The following TMEM67 variants were observed in gnomAD, a reference collection of about 807,000 sequenced individuals.
The protein encoded by TMEM67 is transmembrane protein 67, also known as meckelin.
In TMEM67, 124 loss-of-function variants were observed where a neutral mutation model predicts 136.6. That is an observed-to-expected ratio of 0.91 (90% CI 0.78 to 1.05). The LOEUF (loss-of-function observed/expected upper bound fraction) is 1.05. TMEM67 is among the 50% of genes least tolerant of loss of function. The pLI, the probability that TMEM67 is intolerant of heterozygous loss-of-function variation, is 0.00. For missense variants in TMEM67, 1,107 were observed against 1,178.4 expected (o/e 0.94, Z 0.89); for synonymous variants, 364 against 390.5 (o/e 0.93, Z 0.80).
At chr8:93,789,605 A>T (rs1486132691) in intron 14 of TMEM67, among the ~76,000 whole-genome samples, 2 of 150,894 alleles carry the variant, frequency 1.3e-5, no homozygotes, top group Non-Finnish European at 2.9e-5. Context: ...AGAGCACGCC[A>T]TTGCACTCCA....
intron 7 of TMEM67, among the ~76,000 whole-genome samples, chr8:93,780,152 C>T (rs1813747121): frequency 1.3e-5 from 2 of 151,736 alleles, no homozygotes; most frequent in African/African-American, 4.8e-5. Context: ...GTGAGCAAGG[C>T]TCTGTAGGCG....
At chr8:93,771,958 G>T (rs1221575813) in intron 6 of TMEM67, among the ~76,000 whole-genome samples, 1 of 152,128 alleles carries the variant, frequency 6.6e-6, no homozygotes, top group African/African-American at 2.4e-5. Context: ...TTCTCTGAAT[G>T]GTGCTTCTTA....
intron 7 of TMEM67, among the ~76,000 whole-genome samples, chr8:93,776,566 T>G (rs1813550634): frequency 6.6e-6 from 1 of 152,238 alleles, no homozygotes; most frequent in African/African-American, 2.4e-5. Context: ...CATGAAGGGC[T>G]GTTGAATTTT....
intron 6 of TMEM67, among the ~76,000 whole-genome samples, chr8:93,771,360 C>G (rs1233074477): frequency 1.3e-5 from 2 of 151,638 alleles, no homozygotes; most frequent in African/African-American, 2.4e-5. Flanking sequence ...CAAGTTGTAC[C>G]AAATTTGAAC....
the TMEM67 span, among the ~76,000 whole-genome samples, chr8:93,831,970 A>G: frequency 2.6e-5 from 4 of 152,168 alleles, no homozygotes; most frequent in African/African-American, 7.2e-5. Context: ...AACAACTTCA[A>G]GCTGGACATC....
rs1812680947 is a variant in TMEM67, at chr8:93,758,488, T to C, written c.318T>C (p.Gly106=). 2 of 1,611,788 alleles carry C rather than the reference T, an allele frequency of 1.2e-6. No homozygotes were observed. Among genetic ancestry groups the C allele is most frequent in the African/African-American group, 1.3e-5 (1 of 74,980 alleles). ...TTTTTTTTCTTTTAATTTAGAAAGG[T>C]GTTACAGAAGATGGCTGGAACTGCA... ...ICKKCPENMK[G]VTEDGWNCIS... Residue 106 remains glycine, a synonymous_variant, in exon 3 of 28, where the codon GGT becomes GGC. Transcript: ENST00000453321.
chr8:93,771,783 C>A (rs182689483), intron 6 of TMEM67, among the ~76,000 whole-genome samples: 2 of 152,136 alleles, frequency 1.3e-5, no homozygotes, highest in Non-Finnish European at 2.9e-5. Flanking sequence ...AGTTTGTGTG[C>A]ATGTGTTCCT....
chr8:93,791,114 G>T, intron 14 of TMEM67, 149 bp from the exon 15 acceptor site: 2 of 595,488 alleles, frequency 3.4e-6, no homozygotes, highest in South Asian at 4.5e-5. Flanking sequence ...ATCTATTTAC[G>T]TGTAAGTTAA....
chr8:93,798,851 A>G (rs1290619345), intron 20 of TMEM67, among the ~76,000 whole-genome samples: 3 of 152,112 alleles, frequency 2.0e-5, no homozygotes, highest in African/African-American at 7.2e-5. Flanking sequence ...ATAGTTTACA[A>G]TACAGTGTTT....
At chr8:93,771,627 C>T (rs2130618097) in intron 6 of TMEM67, among the ~76,000 whole-genome samples, 1 of 152,228 alleles carries the variant, frequency 6.6e-6, no homozygotes, top group African/African-American at 2.4e-5. Context: ...GATAAATTTC[C>T]TAAGTGTTCC....
intron 21 of TMEM67, 93 bp downstream of exon 21, chr8:93,799,851 C>G (rs1814790518): frequency 9.4e-7 from 1 of 1,059,332 alleles, no homozygotes; most frequent in South Asian, 1.3e-5. Flanking sequence ...TTGACCACAT[C>G]CTTCTTTCTG....
chr8:93,803,256 C>A (rs1441629881), intron 21 of TMEM67, among the ~76,000 whole-genome samples: 1 of 152,068 alleles, frequency 6.6e-6, no homozygotes, highest in Non-Finnish European at 1.5e-5. Flanking sequence ...TTTAGATGAG[C>A]AAAATTGCAA....
At chr8:93,814,214 A>G (rs988550794) in intron 26 of TMEM67, among the ~76,000 whole-genome samples, 2 of 128,160 alleles carry the variant, frequency 1.6e-5, no homozygotes, top group Non-Finnish European at 3.1e-5. Context: ...ATCTCGGCTC[A>G]CTGCAAGCTC....
At chr8:93,818,890 C>T (rs1808994868), downstream of TMEM67, 2 of 334,758 alleles carry the variant, frequency 6.0e-6, no homozygotes, top group Admixed American at 4.4e-5. Context: ...CTAACCTCTG[C>T]CTCCTAGGCT....
chr8:93,809,967 TTTTC>T, intron 26 of TMEM67, 80 bp downstream of exon 26: 1 of 917,976 alleles, frequency 1.1e-6, no homozygotes, highest in Non-Finnish European at 1.7e-6. Context: ...ATTTTTCTTT[TTTTC>T]TTTTTTTTTT....
At chr8:93,765,323 C>A in intron 4 of TMEM67, 83 bp from the exon 5 acceptor site, 1 of 1,068,798 alleles carries the variant, frequency 9.4e-7, no homozygotes, top group Non-Finnish European at 1.4e-6. Flanking sequence ...CTACTCTAAT[C>A]CATTGTTTAG....
downstream of TMEM67, among the ~76,000 whole-genome samples, chr8:93,823,119 G>A (rs1406410005): frequency 1.3e-5 from 2 of 152,172 alleles, no homozygotes; most frequent in African/African-American, 4.8e-5. Flanking sequence ...CCAAAATTGA[G>A]TGGCTTTAAG....
At chr8:93,790,468 T>C (rs1317568301) in intron 14 of TMEM67, among the ~76,000 whole-genome samples, 1 of 152,228 alleles carries the variant, frequency 6.6e-6, no homozygotes, top group African/African-American at 2.4e-5. Context: ...GTCCCTTTCC[T>C]TTGCTTATAA....
chr8:93,828,742 CAAA>C, the TMEM67 span, among the ~76,000 whole-genome samples: 11 of 89,252 alleles, frequency 1.2e-4, no homozygotes, highest in South Asian at 2.3e-3. Flanking sequence ...AAGACTGTCT[CAAA>C]AAAAAAAAAA....
Sources: gnomAD v4.1 joint callset for allele counts (sites outside exome capture counted in the v4.1 genomes callset) on GRCh38, gnomAD v4.1.1 for gene constraint, MANE v1.5 for transcripts, NCBI Gene and HGNC (gene_info 2026-07-23, HGNC 2026-07-21) for gene names.